Variants in GPC5 observed in about 807,000 individuals in gnomAD.
GPC5 encodes the protein glypican 5, also known as glypican-5.
GPC5 carries 47 observed loss-of-function variants against 53.9 expected under a neutral mutation model. The observed-to-expected ratio is 0.87, with a 90% CI of 0.69 to 1.11. The LOEUF is 1.11. Ranked by LOEUF, GPC5 falls within the 50% of genes most tolerant of loss-of-function variation. GPC5 has a pLI of 0.00. For missense variants in GPC5, 748 were observed against 713.1 expected (o/e 1.05, Z -0.56); for synonymous variants, 286 against 263.3 (o/e 1.09, Z -0.84).
At chr13:91,808,507 C>A (rs559905413) in intron 5 of GPC5, among the ~76,000 whole-genome samples, 2 of 152,218 alleles carry the variant, frequency 1.3e-5, no homozygotes, top group African/African-American at 2.4e-5. Context: ...AATCTCCTGG[C>A]CTCTTGACAG....
chr13:92,727,429 A>G (rs1250408415), intron 7 of GPC5, among the ~76,000 whole-genome samples: 2 of 151,442 alleles, frequency 1.3e-5, no homozygotes, highest in Admixed American at 1.3e-4. Flanking sequence ...GTCAGTCCAG[A>G]TGTTGAAGTT....
intron 7 of GPC5, among the ~76,000 whole-genome samples, chr13:92,314,321 G>C (rs2043164549): frequency 6.6e-6 from 1 of 152,002 alleles, no homozygotes; most frequent in Non-Finnish European, 1.5e-5. Flanking sequence ...ACTTTGGAAG[G>C]AAAAACTCAA....
chr13:91,723,579 C>T (rs547667815), intron 3 of GPC5, among the ~76,000 whole-genome samples: 48 of 151,972 alleles, frequency 3.2e-4, no homozygotes, highest in Non-Finnish European at 5.9e-4. Flanking sequence ...GGTTTAAAAC[C>T]ACCAAGAGCT....
intron 2 of GPC5, among the ~76,000 whole-genome samples, chr13:91,526,209 C>T (rs759866001): frequency 6.6e-6 from 1 of 152,194 alleles, no homozygotes; most frequent in Non-Finnish European, 1.5e-5. Flanking sequence ...ATGTGAGATA[C>T]ATTGCTGCAT....
intron 7 of GPC5, among the ~76,000 whole-genome samples, chr13:92,522,367 C>T (rs1328640498): frequency 2.0e-5 from 3 of 152,130 alleles, no homozygotes; most frequent in Non-Finnish European, 4.4e-5. Flanking sequence ...TGGAACCAAT[C>T]CAAATGTCCA....
intron 7 of GPC5, among the ~76,000 whole-genome samples, chr13:92,398,594 T>C (rs967241941): frequency 6.6e-6 from 1 of 152,142 alleles, no homozygotes; most frequent in Non-Finnish European, 1.5e-5. Flanking sequence ...TGCTTTTTAC[T>C]TTCATATATT....
At chr13:92,831,057 A>T (rs913393592) in intron 7 of GPC5, among the ~76,000 whole-genome samples, 3 of 152,174 alleles carry the variant, frequency 2.0e-5, no homozygotes, top group African/African-American at 7.2e-5. Context: ...TGTAAGCCCC[A>T]TTCGGCTGGT....
intron 2 of GPC5, among the ~76,000 whole-genome samples, chr13:91,562,543 G>A (rs1010342066): frequency 4.0e-5 from 6 of 151,680 alleles, no homozygotes; most frequent in South Asian, 4.2e-4. Flanking sequence ...CAATCTCTGC[G>A]TCCCAGGTTT....
intron 2 of GPC5, among the ~76,000 whole-genome samples, chr13:91,476,931 A>G (rs1209928463): frequency 1.3e-5 from 2 of 152,222 alleles, no homozygotes; most frequent in African/African-American, 4.8e-5. Flanking sequence ...ATACCATGTT[A>G]GGGATTCTAG....
intron 3 of GPC5, among the ~76,000 whole-genome samples, chr13:91,708,273 GT>G (rs1018672208): frequency 7.5e-5 from 11 of 147,050 alleles, no homozygotes; most frequent in Admixed American, 2.0e-4. Context: ...TTTTGTTTTT[GT>G]TTTTTTTTTG....
chr13:91,415,037 G>A (rs1878088743), intron 1 of GPC5, among the ~76,000 whole-genome samples: 3 of 152,266 alleles, frequency 2.0e-5, no homozygotes, highest in African/African-American at 4.8e-5. Context: ...TTTGTCTGCT[G>A]TGGCCTATCC....
intron 2 of GPC5, among the ~76,000 whole-genome samples, chr13:91,631,380 T>C (rs1246419696): frequency 6.6e-6 from 1 of 152,114 alleles, no homozygotes; most frequent in Non-Finnish European, 1.5e-5. Flanking sequence ...AGAATATGTC[T>C]TTAAAAATCA....
chr13:92,589,957 T>C (rs886192310), intron 7 of GPC5, among the ~76,000 whole-genome samples: 2 of 152,118 alleles, frequency 1.3e-5, no homozygotes, highest in African/African-American at 2.4e-5. Flanking sequence ...GGTTAAAAGG[T>C]TGATGAGTGC....
intron 7 of GPC5, among the ~76,000 whole-genome samples, chr13:92,332,233 A>G (rs1041421661): frequency 1.3e-5 from 2 of 152,128 alleles, no homozygotes; most frequent in Admixed American, 1.3e-4. Context: ...GGCAGGATAT[A>G]TTTGAATTTT....
Position 92,423,744 on chromosome 13 carries a change from G to A in GPC5, c.1561+278755G>A, listed in dbSNP as rs1876694190. Among the ~76,000 whole-genome samples, 4 of 152,126 alleles carry A rather than the reference G, an allele frequency of 2.6e-5. No homozygotes were observed. In the South Asian group the frequency reaches 8.3e-4, roughly 32 times the overall value. On this transcript the variant is annotated intron_variant, in intron 7 of 7. Transcript: ENST00000377067. The stretch of plus-strand genomic sequence containing the variant: ...CCCATTTCACATCCCTGTAGCCTAA[G>A]GAGCATCATTAGTAGTGAAATTACA...
At chr13:92,632,489 CAT>C (rs1158385208) in intron 7 of GPC5, among the ~76,000 whole-genome samples, 5 of 87,334 alleles carry the variant, frequency 5.7e-5, no homozygotes, top group Admixed American at 3.1e-4. Flanking sequence ...TATATATACA[CAT>C]ATATATATGC....
chr13:92,776,203 G>T lies in GPC5; in HGVS notation c.1562-90079G>T, dbSNP rs114736065. The stretch of plus-strand genomic sequence containing the variant: ...GGTCACTTGCATTTCTTGGCTCATG[G>T]CTCCCTCCTCTATCTTCAAGGCCAG... On this transcript the variant is annotated intron_variant, in intron 7 of 7. Transcript: ENST00000377067. Among the ~76,000 whole-genome samples the T allele has an allele frequency of 6.4e-3, 977 of 152,152 alleles. 10 individuals are homozygous for T. Among genetic ancestry groups the T allele is most frequent in the African/African-American group, 0.023 (935 of 41,502 alleles).
chr13:91,399,321 G>A, intron 1 of GPC5, 112 bp downstream of exon 1: 2 of 1,294,602 alleles, frequency 1.5e-6, no homozygotes, highest in East Asian at 2.5e-5. Flanking sequence ...CCCTGCAGCC[G>A]CGCAGGGTGA....
chr13:92,548,844 A>G (rs1167432693), intron 7 of GPC5, among the ~76,000 whole-genome samples: 1 of 152,122 alleles, frequency 6.6e-6, no homozygotes, highest in East Asian at 1.9e-4. Flanking sequence ...CATATTTCAC[A>G]TTATATGCCT....
Sources: gnomAD v4.1 joint callset for allele counts (sites outside exome capture counted in the v4.1 genomes callset) on GRCh38, gnomAD v4.1.1 for gene constraint, MANE v1.5 for transcripts, NCBI Gene and HGNC (gene_info 2026-07-23, HGNC 2026-07-21) for gene names.